EIF3H: variants seen among roughly 807,000 people sequenced by gnomAD.
EIF3H encodes eukaryotic translation initiation factor 3 subunit H, also known as eIF-3-gamma.
Under a neutral mutation model 44.2 loss-of-function variants are expected in EIF3H, and 26 were observed. That is an observed-to-expected ratio of 0.59 (90% CI 0.43 to 0.82). EIF3H has a LOEUF of 0.82. Among genes scored for constraint, EIF3H ranks in the 40% least tolerant of loss-of-function variants. The pLI is 0.00. For synonymous variants in EIF3H, 166 were observed against 151.9 expected (o/e 1.09, Z -0.68); for missense variants, 359 against 432.8 (o/e 0.83, Z 1.51).
At chr8:116,702,918 T>C (rs1181925542) in intron 2 of EIF3H, among the ~76,000 whole-genome samples, 1 of 152,070 alleles carries the variant, frequency 6.6e-6, no homozygotes, top group Non-Finnish European at 1.5e-5. Flanking sequence ...GGAATAAAAC[T>C]GTTCCACCTC....
intron 2 of EIF3H, among the ~76,000 whole-genome samples, chr8:116,680,836 TAATA>T (rs1009972176): frequency 4.6e-4 from 21 of 45,994 alleles, no homozygotes; most frequent in South Asian, 3.1e-3. Context: ...AAAAAAATAA[TAATA>T]AATAAATAAA....
At chr8:116,740,712 T>G (rs1815115170) in intron 1 of EIF3H, among the ~76,000 whole-genome samples, 1 of 152,108 alleles carries the variant, frequency 6.6e-6, no homozygotes, top group Non-Finnish European at 1.5e-5. Flanking sequence ...TAGTAAAAGC[T>G]TAAACATGAA....
At chr8:116,652,841 G>A (rs1316564020) in intron 5 of EIF3H, among the ~76,000 whole-genome samples, 1 of 152,006 alleles carries the variant, frequency 6.6e-6, no homozygotes, top group Non-Finnish European at 1.5e-5. Flanking sequence ...ACCTAATGAG[G>A]TCCTGAGAAG....
At chr8:116,698,147 T>C (rs1276915637) in intron 2 of EIF3H, among the ~76,000 whole-genome samples, 2 of 152,166 alleles carry the variant, frequency 1.3e-5, no homozygotes, top group African/African-American at 4.8e-5. Context: ...GGCTACTAGG[T>C]AGCTACAATT....
chr8:116,726,159 A>G lies in EIF3H; in HGVS notation c.146T>C (p.Ile49Thr). Residue 49 changes from isoleucine (I) to threonine (T), a missense_variant, in exon 2 of 8, where the codon ATA becomes ACA. Physicochemically the swap from Ile to Thr is moderately conservative, Grantham distance 89 (BLOSUM62 -1). Around this residue, in one of 5 missense-constraint regions of EIF3H, gnomAD observed 91 missense variants for 164.6 expected, o/e 0.55. Transcript: ENST00000521861. ...TCCTTCTTCTTGATAATGTTTGATT[A>G]TCTTTAATACCACCTAAAACATACA... ...VQIDGLVVLK[I>T]IKHYQEEGQG... 1 of 1,613,812 alleles carries G rather than the reference A, an allele frequency of 6.2e-7. No homozygotes were observed. The highest frequency in any genetic ancestry group is 2.2e-5 in the East Asian group (1 of 44,856).
chr8:116,667,614 G>A (rs1293815074), intron 2 of EIF3H, among the ~76,000 whole-genome samples: 1 of 152,162 alleles, frequency 6.6e-6, no homozygotes, highest in African/African-American at 2.4e-5. Context: ...TCAGAAGTGA[G>A]CACTAAACAT....
chr8:116,727,488 C>T (rs1814866121), intron 1 of EIF3H, among the ~76,000 whole-genome samples: 2 of 152,230 alleles, frequency 1.3e-5, no homozygotes, highest in African/African-American at 4.8e-5. Context: ...TCATAACACA[C>T]TGTATCTTAT....
At position 116,681,433 on chromosome 8, in the gene EIF3H, G is replaced by A. The variant is rs548928298; in HGVS notation, c.290-22453C>T. Among the ~76,000 whole-genome samples the A allele has an allele frequency of 1.3e-4, 20 of 152,126 alleles. No homozygotes were observed. In the East Asian group the frequency reaches 1.7e-3, roughly 13 times the overall value. The stretch of plus-strand genomic sequence containing the variant: ...CTGCAATCTCAGCACCTGGGAGGTC[G>A]AGGCGGGCGGATCACCTGAGGTAGG... On this transcript the variant is annotated intron_variant, in intron 2 of 7. Coordinates refer to ENST00000521861, the MANE Select transcript of EIF3H (RefSeq NM_003756.3).
intron 2 of EIF3H, among the ~76,000 whole-genome samples, chr8:116,697,613 C>T (rs1439424507): frequency 6.6e-6 from 1 of 152,148 alleles, no homozygotes. Flanking sequence ...TTTATGTTTA[C>T]CCCCCTTACC....
intron 1 of EIF3H, among the ~76,000 whole-genome samples, chr8:116,752,734 AGAG>A (rs1355072298): frequency 2.0e-5 from 2 of 102,252 alleles, no homozygotes; most frequent in African/African-American, 3.6e-5. Flanking sequence ...GAAAGAAAGA[AGAG>A]AAAGAAAGAA....
intron 1 of EIF3H, among the ~76,000 whole-genome samples, chr8:116,732,654 CTCATTCAT>C (rs67330220): frequency 0.85 from 128,924 of 151,362 alleles, 55,079 homozygotes; most frequent in Middle Eastern, 0.89. Context: ...CTTTCATTCC[CTCATTCAT>C]TCATTCATTC....
intron 2 of EIF3H, among the ~76,000 whole-genome samples, chr8:116,722,896 T>C (rs1326922034): frequency 6.6e-6 from 1 of 152,214 alleles, no homozygotes; most frequent in Non-Finnish European, 1.5e-5. Context: ...AAACATTCTT[T>C]TAAAACTTTG....
At chr8:116,756,021 T>A, upstream of EIF3H, 1 of 1,535,390 alleles carries the variant, frequency 6.5e-7, no homozygotes, top group South Asian at 1.2e-5. Flanking sequence ...TGGAATGATC[T>A]AAGATGAAAG....
intron 4 of EIF3H, among the ~76,000 whole-genome samples, chr8:116,656,888 G>A (rs558909426): frequency 1.3e-5 from 2 of 152,108 alleles, no homozygotes; most frequent in South Asian, 4.1e-4. Flanking sequence ...CTCACAACCA[G>A]TCTGACACAG....
chr8:116,753,489 G>A (rs1401780495), intron 1 of EIF3H, among the ~76,000 whole-genome samples: 2 of 152,206 alleles, frequency 1.3e-5, no homozygotes, highest in Admixed American at 6.5e-5. Flanking sequence ...GAAAAGGTAT[G>A]TCTTCCACAG....
At chr8:116,714,275 C>G (rs563962723) in intron 2 of EIF3H, among the ~76,000 whole-genome samples, 1 of 152,100 alleles carries the variant, frequency 6.6e-6, no homozygotes, top group East Asian at 1.9e-4. Context: ...CAACTGACAT[C>G]TATCTATAGA....
At position 116,743,790 on chromosome 8, in the gene EIF3H, ATATATATAAAC is replaced by A. The variant is rs1815174598; in HGVS notation, c.132+11865_132+11875del. ...CATACATATATATATATATATATAT[ATATATATAAAC>A]ACACACACACACACACACACACACA... On this transcript the variant is annotated intron_variant, in intron 1 of 7. Transcript: ENST00000521861. Among the ~76,000 whole-genome samples the A allele has an allele frequency of 8.8e-5, 8 of 90,926 alleles. No homozygotes were observed. In the South Asian group the frequency reaches 3.0e-3, roughly 34 times the overall value. The allele number at this position is 90,926 out of a possible 152,430, so 59.7% of individuals were successfully genotyped here. A position where few individuals can be genotyped will look rare whatever the true frequency, so the allele number is the denominator to read the frequency against.
At chr8:116,654,475 A>G (rs567653252) in intron 5 of EIF3H, among the ~76,000 whole-genome samples, 1 of 152,342 alleles carries the variant, frequency 6.6e-6, no homozygotes, top group Admixed American at 6.5e-5. Context: ...AGTAAATTTA[A>G]AAGTATTATA....
At chr8:116,686,183 C>G (rs1176155991) in intron 2 of EIF3H, among the ~76,000 whole-genome samples, 8 of 152,082 alleles carry the variant, frequency 5.3e-5, no homozygotes, top group Non-Finnish European at 1.2e-4. Flanking sequence ...ATACTAATCA[C>G]AAAAGCCTTA....
Sources: gnomAD v4.1 joint callset for allele counts (sites outside exome capture counted in the v4.1 genomes callset) on GRCh38, gnomAD v4.1.1 for gene constraint, gnomAD v4.1.1 regional missense constraint, MANE v1.5 for transcripts, NCBI Gene and HGNC (gene_info 2026-07-23, HGNC 2026-07-21) for gene names.